Variants in IGF2R observed in about 807,000 individuals in gnomAD.
IGF2R encodes the protein insulin like growth factor 2 receptor, also known as cation-independent mannose-6-phosphate receptor.
IGF2R carries 91 observed loss-of-function variants against 270.6 expected under a neutral mutation model. The observed-to-expected ratio is 0.34, with a 90% CI of 0.28 to 0.40. IGF2R has a LOEUF of 0.40. Among genes scored for constraint, IGF2R ranks in the 10% least tolerant of loss-of-function variants. The pLI is 1.00. For synonymous variants in IGF2R, 1,316 were observed against 1,258.9 expected (o/e 1.05, Z -0.96); for missense variants, 2,805 against 3,188.3 (o/e 0.88, Z 2.90).
Position 160,034,481 on chromosome 6 carries a change from A to T in IGF2R, c.1274A>T (p.Gln425Leu). The T allele has an allele frequency of 1.2e-6, 2 of 1,611,828 alleles. No homozygotes were observed. The highest frequency in any genetic ancestry group is 3.3e-4 in the Middle Eastern group (2 of 6,050). ...FGGDECSSGF[Q>L]RMSVINFECN... ...GGTGATGAATGCAGCTCAGGGTTTCAGCGGATGAGCGTCATAAACTTTGAG... is the reference window on the plus strand; with the variant it reads ...GGTGATGAATGCAGCTCAGGGTTTCTGCGGATGAGCGTCATAAACTTTGAG... The change falls in exon 10 of 48, where the codon CAG becomes CTG. Residue 425 changes from glutamine (Q) to leucine (L), a missense_variant. Physicochemically the swap from Gln to Leu is moderately radical, Grantham distance 113 (BLOSUM62 -2). Coordinates refer to ENST00000356956, the MANE Select transcript of IGF2R (RefSeq NM_000876.4).
In IGF2R at chr6:160,060,674, C is replaced by T. The variant is rs766808207; in HGVS notation, c.3219C>T (p.Thr1073=). The T allele has an allele frequency of 1.8e-5, 29 of 1,614,116 alleles. No individual in the cohort carries two copies. Among genetic ancestry groups the T allele is most frequent in the African/African-American group, 5.3e-5 (4 of 74,936 alleles). The change falls in exon 23 of 48, where the codon ACC becomes ACT. Residue 1073 remains threonine, a synonymous_variant. Coordinates refer to ENST00000356956, the MANE Select transcript of IGF2R (RefSeq NM_000876.4). The part of the protein sequence containing the change: ...GIRNTYFEFE[T]ALACVPSPVD... ...GAAACACTTACTTTGAGTTTGAAAC[C>T]GCGTTGGCCTGTGTTCCTTCTCCAG...
chr6:159,995,015 C>G (rs973621412), intron 2 of IGF2R, among the ~76,000 whole-genome samples: 1 of 152,056 alleles, frequency 6.6e-6, no homozygotes, highest in Non-Finnish European at 1.5e-5. Context: ...TGTTGATGAT[C>G]TTTCTAGTGC....
rs747088670 is a variant in IGF2R, at chr6:160,084,199, A to G, written c.6068+15A>G. 2.0e-6 allele frequency: 3 copies of G among 1,512,136 alleles called. No individual in the cohort carries two copies. The highest frequency in any genetic ancestry group is 1.7e-4 in the Middle Eastern group (1 of 5,778). 93.7% of individuals were successfully genotyped at this position (1,512,136 alleles called of 1,614,324 possible). ...AACGGAGTCTCGTGAGTGCCTTCCCAGTCCACCCGCGGCGCCACACCCTCA... is the reference window on the plus strand; with the variant it reads ...AACGGAGTCTCGTGAGTGCCTTCCCGGTCCACCCGCGGCGCCACACCCTCA... On this transcript the variant is annotated intron_variant, in intron 40 of 47. Coordinates refer to ENST00000356956, the MANE Select transcript of IGF2R (RefSeq NM_000876.4). The surrounding 1 kb of genome is among the most constrained non-coding windows in gnomAD (Gnocchi z 4.6).
rs537090283 is a variant in IGF2R at position 159,998,305 on chromosome 6, A to G, written c.289+6982A>G. Reference sequence around the variant, plus strand: ...ATGGTATGGTATAGTGTAATACCACATAGACTGATGCCAGATGGAGGCAAC... The same window carrying G: ...ATGGTATGGTATAGTGTAATACCACGTAGACTGATGCCAGATGGAGGCAAC... On this transcript the variant is annotated intron_variant, in intron 2 of 47. Transcript: ENST00000356956. This position sits in a 1 kb window ranked among gnomAD's most constrained non-coding sequence, Gnocchi z 4.1. Among the ~76,000 whole-genome samples, 1 of 152,366 alleles carries G rather than the reference A, an allele frequency of 6.6e-6. No individual in the cohort carries two copies. The highest frequency in any genetic ancestry group is 1.5e-5 in the Non-Finnish European group (1 of 68,034).
intron 7 of IGF2R, among the ~76,000 whole-genome samples, chr6:160,032,217 G>A (rs1238912615): frequency 1.3e-5 from 2 of 152,188 alleles, no homozygotes; most frequent in Non-Finnish European, 2.9e-5. Flanking sequence ...TGATTGCCAC[G>A]TGCCACTGAG....
At chr6:160,088,206 T>A in intron 42 of IGF2R, 59 bp downstream of exon 42, 1 of 1,121,556 alleles carries the variant, frequency 8.9e-7, no homozygotes, top group South Asian at 1.2e-5. Context: ...AGGGAATTCC[T>A]CCTTGGGGTT....
Position 160,096,644 on chromosome 6 carries a change from A to G in IGF2R, c.6842+19A>G. ...CTCTGGGGTGAGTATGACATCCGGA[A>G]GCTTAGCACTTGTACCCCACATCTT... On this transcript the variant is annotated intron_variant, in intron 45 of 47. Coordinates refer to ENST00000356956, the MANE Select transcript of IGF2R (RefSeq NM_000876.4). 1 of 1,588,960 alleles carries G rather than the reference A, an allele frequency of 6.3e-7. No individual in the cohort carries two copies.
chr6:160,062,415 A>C lies in IGF2R; in HGVS notation c.3583-117A>C, dbSNP rs1778460259. The C allele has an allele frequency of 5.5e-6, 4 of 728,724 alleles. No individual in the cohort carries two copies. The East Asian group carries it at 1.1e-4, about 20-fold the overall frequency. The allele number at this position is 728,724 out of a possible 1,614,324, so 45.1% of individuals were successfully genotyped here. On this transcript the variant is annotated intron_variant, in intron 25 of 47. Transcript: ENST00000356956. ...TCTTGAACTCCTGAACTTGTGATCC[A>C]CCCGTCTCGGCCTCCCAAAGTGCTG...
chr6:160,055,072 C>G (rs555610223), intron 19 of IGF2R, among the ~76,000 whole-genome samples: 1 of 152,138 alleles, frequency 6.6e-6, no homozygotes, highest in East Asian at 1.9e-4. Context: ...GGCCCATGCT[C>G]TCTGCGGGAG....
Position 160,084,020 on chromosome 6 carries a change from C to T in IGF2R, c.5904C>T (p.Val1968=). 6.2e-7 allele frequency: 1 copy of T among 1,614,166 alleles called. No homozygotes were observed. The highest frequency in any genetic ancestry group is 8.5e-7 in the Non-Finnish European group (1 of 1,180,004). Residue 1968 remains valine (V), a synonymous_variant, in exon 40 of 48, where the codon GTC becomes GTT. Transcript: ENST00000356956. This position sits in a 1 kb window ranked among gnomAD's most constrained non-coding sequence, Gnocchi z 4.6. The part of the protein sequence containing the change: ...DEDEDIGRPQ[V]FSEVRGCDVT... The stretch of plus-strand genomic sequence containing the variant: ...ATGAGGACATTGGGAGGCCACAAGT[C>T]TTCAGTGAAGTGCGTGGGTGTGATG...
intron 5 of IGF2R, among the ~76,000 whole-genome samples, chr6:160,025,644 C>T (rs2115225119): frequency 6.6e-6 from 1 of 152,242 alleles, no homozygotes; most frequent in South Asian, 2.1e-4. Flanking sequence ...CCATTCAGGG[C>T]TCACCAAAAG....
chr6:160,097,632 G>A (rs977270861), intron 45 of IGF2R, among the ~76,000 whole-genome samples: 1 of 152,160 alleles, frequency 6.6e-6, no homozygotes, highest in Non-Finnish European at 1.5e-5. Flanking sequence ...GCCCGGCCTG[G>A]CCCACCATTT....
intron 10 of IGF2R, among the ~76,000 whole-genome samples, chr6:160,036,793 G>A (rs1777837304): frequency 6.6e-6 from 1 of 152,052 alleles, no homozygotes; most frequent in South Asian, 2.1e-4. Flanking sequence ...AAGACCCGCA[G>A]TAGAGTGGGG....
intron 4 of IGF2R, among the ~76,000 whole-genome samples, chr6:160,021,668 C>G (rs1470034159): frequency 6.7e-6 from 1 of 149,082 alleles, no homozygotes; most frequent in Non-Finnish European, 1.5e-5. Context: ...AAAAAAAACC[C>G]CACAATGAGA....
At position 160,050,453 on chromosome 6, in the gene IGF2R, C is replaced by T. The variant is rs1317178793; in HGVS notation, c.2515-20C>T. ...TGTATCTTCAGGGGGAAAAGCCTAA[C>T]AAGACTGGTTTTCTTGCAGGGCTCC... On this transcript the variant is annotated intron_variant, in intron 18 of 47. Coordinates refer to ENST00000356956, the MANE Select transcript of IGF2R (RefSeq NM_000876.4). This position sits in a 1 kb window ranked among gnomAD's most constrained non-coding sequence, Gnocchi z 4.0. 3 of 1,598,248 alleles carry T rather than the reference C, an allele frequency of 1.9e-6. No individual in the cohort carries two copies. In the South Asian group the frequency reaches 3.3e-5, roughly 18 times the overall value.
chr6:160,083,898 G>A (rs1433695496), intron 39 of IGF2R, 52 bp from the exon 40 acceptor site: 3 of 1,236,604 alleles, frequency 2.4e-6, no homozygotes, highest in Non-Finnish European at 3.6e-6. Context: ...TTCCCTTTCT[G>A]CATAGACACA....
intron 6 of IGF2R, 82 bp from the exon 7 acceptor site, chr6:160,029,468 G>T: frequency 1.3e-6 from 1 of 794,196 alleles, no homozygotes; most frequent in Non-Finnish European, 2.2e-6. Flanking sequence ...CCAAGTGAAT[G>T]TGCTGAATGC....
chr6:160,104,320 G>A (rs915842130), intron 47 of IGF2R, among the ~76,000 whole-genome samples: 9 of 151,922 alleles, frequency 5.9e-5, no homozygotes, highest in Admixed American at 2.0e-4. Flanking sequence ...TGAGTAGCCC[G>A]GAAGAGCCCC....
chr6:160,096,287 A>T, intron 44 of IGF2R, 152 bp from the exon 45 acceptor site: 1 of 642,842 alleles, frequency 1.6e-6, no homozygotes, highest in Admixed American at 2.8e-5. Flanking sequence ...GTGGCCTCGT[A>T]AGCTGTGAAC....
Sources: gnomAD v4.1 joint callset for allele counts (sites outside exome capture counted in the v4.1 genomes callset) on GRCh38, gnomAD v4.1.1 for gene constraint, Gnocchi (gnomAD v3.1) non-coding constraint, MANE v1.5 for transcripts, NCBI Gene and HGNC (gene_info 2026-07-23, HGNC 2026-07-21) for gene names.